MLLT10: variants seen among roughly 807,000 people sequenced by gnomAD.
The protein encoded by MLLT10 is protein AF-10.
In MLLT10, 30 loss-of-function variants were observed where a neutral mutation model predicts 129.1. That is an observed-to-expected ratio of 0.23 (90% CI 0.17 to 0.32). The LOEUF (loss-of-function observed/expected upper bound fraction) is 0.32. Among genes scored for constraint, MLLT10 ranks in the 10% least tolerant of loss-of-function variants. The pLI is 1.00. For synonymous variants in MLLT10, 490 were observed against 446.4 expected (o/e 1.10, Z -1.23); for missense variants, 1,119 against 1,268.3 (o/e 0.88, Z 1.79).
chr10:21,537,755 C>T (rs1010232107), intron 2 of MLLT10, among the ~76,000 whole-genome samples: 1 of 152,156 alleles, frequency 6.6e-6, no homozygotes, highest in Admixed American at 6.5e-5. Context: ...AGGCATGAGC[C>T]ACCGCGTCCG....
chr10:21,614,834 T>A lies in MLLT10; in HGVS notation c.513T>A (p.Ala171=). Residue 171 remains alanine, a synonymous_variant, in exon 7 of 23, where the codon GCT becomes GCA. Coordinates refer to ENST00000307729, the MANE Select transcript of MLLT10 (RefSeq NM_001195626.3). ...GCRQAFHVTC[A]QFAGLLCEEE... is the part of the protein sequence containing the mutation. ...TATACTTGGCTTTTATTTTCAGCGCTCAGTTTGCCGGACTGCTTTGTGAAG... is the reference window on the plus strand; with the variant it reads ...TATACTTGGCTTTTATTTTCAGCGCACAGTTTGCCGGACTGCTTTGTGAAG... 8 of 1,611,188 alleles carry A rather than the reference T, an allele frequency of 5.0e-6. No homozygotes were observed. Among genetic ancestry groups the A allele is most frequent in the Non-Finnish European group, 6.8e-6 (8 of 1,179,300 alleles).
chr10:21,592,188 G>A (rs1219202870), intron 4 of MLLT10, among the ~76,000 whole-genome samples: 2 of 152,132 alleles, frequency 1.3e-5, no homozygotes, highest in Non-Finnish European at 2.9e-5. Flanking sequence ...AAATGAGTGT[G>A]AAGGCATTAT....
intron 3 of MLLT10, among the ~76,000 whole-genome samples, chr10:21,554,875 G>T (rs1024415131): frequency 6.6e-6 from 1 of 151,070 alleles, no homozygotes; most frequent in Non-Finnish European, 1.5e-5. Context: ...AGGCTGGAGT[G>T]CATTGGTGCG....
intron 3 of MLLT10, among the ~76,000 whole-genome samples, chr10:21,577,891 T>G (rs888667110): frequency 1.8e-4 from 27 of 152,096 alleles, no homozygotes; most frequent in African/African-American, 6.3e-4. Flanking sequence ...TTTATTTATT[T>G]TTTTCATTAT....
chr10:21,737,690 G>GA (rs985737204), intron 21 of MLLT10, among the ~76,000 whole-genome samples: 2 of 152,138 alleles, frequency 1.3e-5, no homozygotes, highest in African/African-American at 4.8e-5. Context: ...TATGGACCGA[G>GA]ACCCAAGTGG....
chr10:21,618,894 G>A (rs1054734642), intron 8 of MLLT10, among the ~76,000 whole-genome samples: 9 of 151,976 alleles, frequency 5.9e-5, no homozygotes, highest in African/African-American at 2.2e-4. Context: ...CACCATGCCT[G>A]TCTAATTTAT....
chr10:21,641,172 T>C (rs914724883), intron 8 of MLLT10, among the ~76,000 whole-genome samples: 1 of 152,342 alleles, frequency 6.6e-6, no homozygotes, highest in East Asian at 1.9e-4. Flanking sequence ...GTTTGGCGAA[T>C]AGGCTGTCTC....
intron 9 of MLLT10, among the ~76,000 whole-genome samples, chr10:21,662,168 A>C (rs1023587622): frequency 6.6e-6 from 1 of 152,216 alleles, no homozygotes; most frequent in Non-Finnish European, 1.5e-5. Context: ...ATCTTTGAGC[A>C]TGGAGGTGTA....
intron 5 of MLLT10, among the ~76,000 whole-genome samples, chr10:21,601,178 T>C (rs2043493718): frequency 6.6e-6 from 1 of 152,180 alleles, no homozygotes; most frequent in South Asian, 2.1e-4. Context: ...ACTCTTGGAT[T>C]CAAACAACCC....
chr10:21,575,714 C>G (rs2040662482), intron 3 of MLLT10, among the ~76,000 whole-genome samples: 1 of 152,106 alleles, frequency 6.6e-6, no homozygotes. Flanking sequence ...TTGTCAGTCA[C>G]AAAGAGGAGT....
intron 13 of MLLT10, among the ~76,000 whole-genome samples, chr10:21,710,761 T>G (rs921007641): frequency 3.9e-5 from 6 of 152,224 alleles, no homozygotes; most frequent in African/African-American, 1.4e-4. Flanking sequence ...TTTCACCACC[T>G]ACTAGCTCAC....
intron 21 of MLLT10, among the ~76,000 whole-genome samples, chr10:21,737,084 C>T (rs1237965819): frequency 5.2e-5 from 6 of 115,216 alleles, no homozygotes; most frequent in South Asian, 3.0e-4. Flanking sequence ...ATTGACCAAC[C>T]GGGCGTGCTG....
intron 13 of MLLT10, among the ~76,000 whole-genome samples, chr10:21,705,271 C>T (rs751064833): frequency 2.6e-5 from 4 of 152,128 alleles, no homozygotes; most frequent in Non-Finnish European, 5.9e-5. Flanking sequence ...GTGGCAGTAG[C>T]AGCAGGGTGG....
At chr10:21,549,899 A>G (rs1388886197) in intron 3 of MLLT10, among the ~76,000 whole-genome samples, 5 of 152,066 alleles carry the variant, frequency 3.3e-5, no homozygotes, top group Non-Finnish European at 5.9e-5. Context: ...TTGGCCTCCC[A>G]AAGTGCTGGG....
intron 3 of MLLT10, among the ~76,000 whole-genome samples, chr10:21,553,971 G>A (rs975632501): frequency 6.6e-6 from 1 of 152,050 alleles, no homozygotes; most frequent in Non-Finnish European, 1.5e-5. Context: ...CTTTTTAATC[G>A]TTTGTATGTG....
chr10:21,577,045 C>T (rs2040842510), intron 3 of MLLT10, among the ~76,000 whole-genome samples: 1 of 152,230 alleles, frequency 6.6e-6, no homozygotes, highest in Non-Finnish European at 1.5e-5. Context: ...TACCCTACTT[C>T]CCCAGCTCCT....
At chr10:21,608,887 C>A (rs1291237532) in intron 5 of MLLT10, among the ~76,000 whole-genome samples, 1 of 152,100 alleles carries the variant, frequency 6.6e-6, no homozygotes, top group Non-Finnish European at 1.5e-5. Context: ...GACAGTTTTT[C>A]TTACTGCTCC....
intron 3 of MLLT10, among the ~76,000 whole-genome samples, chr10:21,573,732 A>T (rs112094663): frequency 6.6e-6 from 1 of 151,826 alleles, no homozygotes; most frequent in African/African-American, 2.4e-5. Flanking sequence ...ATGCCCGGCT[A>T]ATTTTTTTTG....
chr10:21,668,042 C>G (rs1489233005), intron 9 of MLLT10, among the ~76,000 whole-genome samples: 2 of 152,196 alleles, frequency 1.3e-5, no homozygotes, highest in East Asian at 3.9e-4. Context: ...AGCCAAATAT[C>G]TAGTTTTATC....
Sources: allele counts gnomAD v4.1 joint callset (sites outside exome capture counted in the v4.1 genomes callset), GRCh38; gene constraint gnomAD v4.1.1; transcripts MANE v1.5; gene names NCBI Gene and HGNC (gene_info 2026-07-23, HGNC 2026-07-21).